E2F1: variants seen among roughly 807,000 people sequenced by gnomAD.
The protein encoded by E2F1 is E2F transcription factor 1, also known as transcription factor E2F1.
A neutral mutation model predicts 36.9 loss-of-function variants in E2F1; 7 were observed. The observed-to-expected ratio is 0.19, with a 90% CI of 0.11 to 0.36. The LOEUF (loss-of-function observed/expected upper bound fraction) is 0.36. E2F1 is among the 10% of genes least tolerant of loss of function. The pLI, the probability that E2F1 is intolerant of heterozygous loss-of-function variation, is 1.00. For synonymous variants in E2F1, 261 were observed against 263.1 expected (o/e 0.99, Z 0.08); for missense variants, 406 against 573.6 (o/e 0.71, Z 2.99).
At chr20:33,683,889 T>C (rs980480460) in intron 1 of E2F1, among the ~76,000 whole-genome samples, 2 of 152,272 alleles carry the variant, frequency 1.3e-5, no homozygotes, top group Non-Finnish European at 2.9e-5. Flanking sequence ...AATGGCTGAA[T>C]TGCAGAGCCT....
At chr20:33,680,174 C>T in intron 2 of E2F1, 152 bp downstream of exon 2, 2 of 931,114 alleles carry the variant, frequency 2.1e-6, no homozygotes, top group Non-Finnish European at 3.2e-6. Flanking sequence ...AGAAACCAAG[C>T]CAGGTGGCCA....
At position 33,686,126 on chromosome 20, in the gene E2F1, C is replaced by A; in HGVS notation, c.139G>T (p.Ala47Ser). 9.4e-7 allele frequency: 1 copy of A among 1,063,294 alleles called. No individual in the cohort carries two copies. Among genetic ancestry groups the A allele is most frequent in the Non-Finnish European group, 1.1e-6 (1 of 882,444 alleles). The allele number at this position is 1,063,294 out of a possible 1,614,324, so 65.9% of individuals were successfully genotyped here. A position where few individuals can be genotyped will look rare whatever the true frequency, so the allele number is the denominator to read the frequency against. The change falls in exon 1 of 7, where the codon GCT becomes TCT. Residue 47 changes from alanine to serine, a missense_variant. Transcript: ENST00000343380. Reference protein sequence around the residue: ...SAAQDASAPPAPTGPAAPAAG... With the variant: ...SAAQDASAPPSPTGPAAPAAG... ...GCGGGCGCCGCGGGGCCGGTGGGAG[C>A]CGGCGGGGCGCTGGCGTCCTGCGCG...
intron 1 of E2F1, among the ~76,000 whole-genome samples, chr20:33,682,300 G>A (rs3213162): frequency 0.024 from 3,640 of 152,250 alleles, 222 homozygotes; most frequent in Admixed American, 0.14. Flanking sequence ...GGAAAGAAGA[G>A]CTGTTGTGCT....
chr20:33,680,191 C>T, intron 2 of E2F1, 135 bp downstream of exon 2: 1 of 1,022,968 alleles, frequency 9.8e-7, no homozygotes, highest in Non-Finnish European at 1.4e-6. Flanking sequence ...GCCACTCCAA[C>T]TGCCCATCAG....
Position 33,686,353 on chromosome 20 carries a change from T to C in E2F1, c.-89A>G, listed in dbSNP as rs1170604430. 7 of 965,490 alleles carry C rather than the reference T, an allele frequency of 7.3e-6. No homozygotes were observed. Among genetic ancestry groups the C allele is most frequent in the South Asian group, 4.8e-5 (1 of 20,944 alleles). The allele number at this position is 965,490 out of a possible 1,614,324, so 59.8% of individuals were successfully genotyped here. On this transcript the variant is annotated 5_prime_UTR_variant, in exon 1 of 7. Coordinates refer to ENST00000343380, the MANE Select transcript of E2F1 (RefSeq NM_005225.3). ...GGCCTCGGCGAGGGCTCGATCCCGCTCCGCCCCCGGCCGCCGCTGCCTGCA... is the reference window on the plus strand; with the variant it reads ...GGCCTCGGCGAGGGCTCGATCCCGCCCCGCCCCCGGCCGCCGCTGCCTGCA...
At chr20:33,680,530 G>C in intron 1 of E2F1, 114 bp from the exon 2 acceptor site, 1 of 842,188 alleles carries the variant, frequency 1.2e-6, no homozygotes, top group Non-Finnish European at 1.9e-6. Context: ...CAGGATGCCT[G>C]AGTGTGTGAC....
At chr20:33,684,471 C>T (rs1188678056) in intron 1 of E2F1, among the ~76,000 whole-genome samples, 2 of 152,094 alleles carry the variant, frequency 1.3e-5, no homozygotes, top group Non-Finnish European at 2.9e-5. Context: ...CAACCTGTAT[C>T]AGCATCCCCA....
At chr20:33,683,179 A>G (rs2018032709) in intron 1 of E2F1, among the ~76,000 whole-genome samples, 1 of 152,214 alleles carries the variant, frequency 6.6e-6, no homozygotes, top group South Asian at 2.1e-4. Flanking sequence ...GGCCAGGCGC[A>G]GTGGCTCACG....
chr20:33,685,859 AC>A, intron 1 of E2F1, 144 bp downstream of exon 1: 1 of 804,582 alleles, frequency 1.2e-6, no homozygotes, highest in Non-Finnish European at 1.5e-6. Flanking sequence ...CGGAGGCCCA[AC>A]CCCGGCTCTG....
intron 1 of E2F1, among the ~76,000 whole-genome samples, chr20:33,684,148 G>A (rs1483570359): frequency 1.3e-5 from 2 of 152,232 alleles, no homozygotes; most frequent in African/African-American, 2.4e-5. Context: ...CCAGGCCAAT[G>A]AGCCTGCCCC....
At chr20:33,683,091 T>C (rs1169510052) in intron 1 of E2F1, among the ~76,000 whole-genome samples, 1 of 151,838 alleles carries the variant, frequency 6.6e-6, no homozygotes, top group Non-Finnish European at 1.5e-5. Flanking sequence ...AAAAATAGCC[T>C]TAGGGAAAAA....
At chr20:33,684,043 G>T (rs3213153) in intron 1 of E2F1, among the ~76,000 whole-genome samples, 39 of 152,150 alleles carry the variant, frequency 2.6e-4, no homozygotes, top group African/African-American at 9.2e-4. Context: ...CAGCCTCCTG[G>T]CCCTTAAGTA....
At position 33,679,737 on chromosome 20, in the gene E2F1, T is replaced by C. The variant is rs202180598; in HGVS notation, c.572+18A>G. On this transcript the variant is annotated intron_variant, in intron 3 of 6. Transcript: ENST00000343380. This position sits in a 1 kb window ranked among gnomAD's most constrained non-coding sequence, Gnocchi z 4.6. ...GCATGGGCAGGTGTGCCTGCCCTCC[T>C]GTGTGGCCGGTACCTACAGCCACTG... The C allele has an allele frequency of 1.1e-5, 18 of 1,611,358 alleles. No individual in the cohort carries two copies. The East Asian group carries it at 3.8e-4, about 34-fold the overall frequency.
At chr20:33,685,260 G>C (rs2018055737) in intron 1 of E2F1, among the ~76,000 whole-genome samples, 1 of 152,112 alleles carries the variant, frequency 6.6e-6, no homozygotes, top group African/African-American at 2.4e-5. Flanking sequence ...GGCCTGGGAG[G>C]GTGGAGGGTG....
Position 33,679,617 on chromosome 20 carries a change from G to A in E2F1, c.572+138C>T. On this transcript the variant is annotated intron_variant, in intron 3 of 6. Coordinates refer to ENST00000343380, the MANE Select transcript of E2F1 (RefSeq NM_005225.3). This position sits in a 1 kb window ranked among gnomAD's most constrained non-coding sequence, Gnocchi z 4.6. ...GTGCTTTTTACCATCTATCATCTCA[G>A]GGAAGCTACCTCTCCTCTCTGAGCC... The A allele has an allele frequency of 1.4e-6, 1 of 740,288 alleles. No individual in the cohort carries two copies. Among genetic ancestry groups the A allele is most frequent in the South Asian group, 1.6e-5 (1 of 62,352 alleles). 45.9% of individuals were successfully genotyped at this position (740,288 alleles called of 1,614,324 possible).
Position 33,686,133 on chromosome 20 carries a change from G to T in E2F1, c.132C>A (p.Ala44=). 1.9e-6 allele frequency: 2 copies of T among 1,061,248 alleles called. No homozygotes were observed. The highest frequency in any genetic ancestry group is 2.3e-6 in the Non-Finnish European group (2 of 881,058). 65.7% of individuals were successfully genotyped at this position (1,061,248 alleles called of 1,614,324 possible). The change falls in exon 1 of 7, where the codon GCC becomes GCA. Residue 44 remains alanine (A), a synonymous_variant. Coordinates refer to ENST00000343380, the MANE Select transcript of E2F1 (RefSeq NM_005225.3). ...CCGCGGGGCCGGTGGGAGCCGGCGG[G>T]GCGCTGGCGTCCTGCGCGGCGGAGA... ...VIISAAQDAS[A]PPAPTGPAAP...
intron 3 of E2F1, 72 bp from the exon 4 acceptor site, chr20:33,678,425 G>GGGC: frequency 6.4e-7 from 1 of 1,567,470 alleles, no homozygotes; most frequent in East Asian, 2.3e-5. Context: ...TGGGCCTCAG[G>GGGC]ACAGAGTCTG....
intron 1 of E2F1, among the ~76,000 whole-genome samples, chr20:33,682,634 G>C (rs1244441198): frequency 6.6e-6 from 1 of 152,156 alleles, no homozygotes; most frequent in Non-Finnish European, 1.5e-5. Context: ...TAAAACAAAG[G>C]CTTGAGTGGA....
chr20:33,676,640 A>C lies in E2F1; in HGVS notation c.*92T>G. On this transcript the variant is annotated 3_prime_UTR_variant, in exon 7 of 7. Coordinates refer to ENST00000343380, the MANE Select transcript of E2F1 (RefSeq NM_005225.3). ...AGAGGGGTATAAATTAAATGTTTCC[A>C]AACAGGCTGGGAGGACGGCCAGGGA... 6.7e-7 allele frequency: 1 copy of C among 1,488,436 alleles called. No individual in the cohort carries two copies. The highest frequency in any genetic ancestry group is 2.4e-5 in the Admixed American group (1 of 41,978). 92.2% of individuals were successfully genotyped at this position (1,488,436 alleles called of 1,614,324 possible).
Sources: allele counts gnomAD v4.1 joint callset (sites outside exome capture counted in the v4.1 genomes callset), GRCh38; gene constraint gnomAD v4.1.1; non-coding constraint Gnocchi (gnomAD v3.1); transcripts MANE v1.5; gene names NCBI Gene and HGNC (gene_info 2026-07-23, HGNC 2026-07-21).